Variants in OPCML observed in about 807,000 individuals in gnomAD.
The protein encoded by OPCML is opioid binding protein/cell adhesion molecule like.
In OPCML, 13 loss-of-function variants were observed where a neutral mutation model predicts 37.8. The ratio of observed to expected loss-of-function variants is 0.34; its 90% CI spans 0.22 to 0.55. The LOEUF (loss-of-function observed/expected upper bound fraction) is 0.55, where lower values mean the gene tolerates loss of function less well. Among genes scored for constraint, OPCML ranks in the 20% least tolerant of loss-of-function variants. The pLI is 0.91. For synonymous variants in OPCML, 176 were observed against 168.8 expected (o/e 1.04, Z -0.33); for missense variants, 341 against 435.6 (o/e 0.78, Z 1.93).
rs542010657 is a variant in OPCML at position 133,077,191 on chromosome 11, A to G, written c.62-134181T>C. Among the ~76,000 whole-genome samples, 10 of 151,924 alleles carry G rather than the reference A, an allele frequency of 6.6e-5. No individual in the cohort carries two copies. In the East Asian group the frequency reaches 9.8e-4, roughly 15 times the overall value. On this transcript the variant is annotated intron_variant, in intron 1 of 7. Transcript: ENST00000524381. Reference sequence around the variant, plus strand: ...TCATTTAGAACTCAACCCTGCCTGGATATCAGGAGGGCTGGGTTTGGCCAA... The same window carrying G: ...TCATTTAGAACTCAACCCTGCCTGGGTATCAGGAGGGCTGGGTTTGGCCAA...
chr11:132,420,809 C>A (rs1365811102), intron 7 of OPCML, among the ~76,000 whole-genome samples: 1 of 152,144 alleles, frequency 6.6e-6, no homozygotes, highest in African/African-American at 2.4e-5. Context: ...GGAGGCTCCT[C>A]CTGCAGCAGC....
chr11:133,376,157 A>T (rs541679954), intron 1 of OPCML, among the ~76,000 whole-genome samples: 2 of 152,168 alleles, frequency 1.3e-5, no homozygotes, highest in South Asian at 4.1e-4. Flanking sequence ...TCAGTAAGAG[A>T]TCATAAAGTT....
intron 1 of OPCML, among the ~76,000 whole-genome samples, chr11:133,283,924 C>G (rs557516829): frequency 6.6e-6 from 1 of 152,248 alleles, no homozygotes; most frequent in South Asian, 2.1e-4. Context: ...GAGGAGCTGG[C>G]CTGACACTCT....
At chr11:132,760,833 C>G (rs1946236065) in intron 2 of OPCML, among the ~76,000 whole-genome samples, 1 of 152,028 alleles carries the variant, frequency 6.6e-6, no homozygotes, top group Non-Finnish European at 1.5e-5. Flanking sequence ...GAATTTGATC[C>G]TGTCATTATG....
In OPCML at chr11:132,679,620, T is replaced by C. The variant is rs559950198; in HGVS notation, c.147-22301A>G. Among the ~76,000 whole-genome samples, 159 of 152,320 alleles carry C rather than the reference T, an allele frequency of 1.0e-3. 1 individual carries two copies. Among genetic ancestry groups the C allele is most frequent in the African/African-American group, 3.7e-3 (153 of 41,560 alleles). The stretch of plus-strand genomic sequence containing the variant: ...TGAGCAGGAAATGGGGAATGACTGT[T>C]AATAGGTATGGGATTAACCTGGAGG... On this transcript the variant is annotated intron_variant, in intron 2 of 7. Coordinates refer to ENST00000524381, the MANE Select transcript of OPCML (RefSeq NM_001012393.5).
intron 4 of OPCML, among the ~76,000 whole-genome samples, chr11:132,466,344 T>C (rs1205148478): frequency 1.7e-4 from 24 of 143,040 alleles, no homozygotes; most frequent in African/African-American, 5.5e-4. Flanking sequence ...AATAGCCAGG[T>C]GTGGTGGCGG....
intron 2 of OPCML, 86 bp downstream of exon 2, chr11:132,942,840 C>T: frequency 6.4e-7 from 1 of 1,552,202 alleles, no homozygotes; most frequent in Non-Finnish European, 8.8e-7. Context: ...TTCCGGTCCC[C>T]CATGGAGCCT....
chr11:133,214,038 A>T (rs1939484419), intron 1 of OPCML, among the ~76,000 whole-genome samples: 1 of 152,186 alleles, frequency 6.6e-6, no homozygotes, highest in African/African-American at 2.4e-5. Flanking sequence ...ATGGCATAAC[A>T]ATATTTGTTT....
intron 1 of OPCML, among the ~76,000 whole-genome samples, chr11:133,074,721 C>T (rs1044805996): frequency 1.3e-5 from 2 of 152,122 alleles, no homozygotes; most frequent in Non-Finnish European, 2.9e-5. Flanking sequence ...TTTTTATCTA[C>T]TCTTGCAAAA....
intron 2 of OPCML, among the ~76,000 whole-genome samples, chr11:132,853,812 A>T (rs1941923011): frequency 1.3e-5 from 2 of 152,152 alleles, no homozygotes; most frequent in Admixed American, 1.3e-4. Context: ...CACAAACAAA[A>T]CTATTTTTCT....
At chr11:132,515,603 G>A (rs1292860188) in intron 4 of OPCML, among the ~76,000 whole-genome samples, 1 of 152,156 alleles carries the variant, frequency 6.6e-6, no homozygotes, top group South Asian at 2.1e-4. Context: ...CCCTATCCAA[G>A]GCTGGAACAT....
intron 1 of OPCML, among the ~76,000 whole-genome samples, chr11:133,063,912 T>A (rs1455853495): frequency 1.3e-5 from 2 of 152,160 alleles, no homozygotes; most frequent in Non-Finnish European, 2.9e-5. Context: ...ATTCCTGAAT[T>A]GAGAACGATT....
At chr11:132,658,155 C>T (rs1941795248) in intron 2 of OPCML, among the ~76,000 whole-genome samples, 1 of 152,214 alleles carries the variant, frequency 6.6e-6, no homozygotes, top group Non-Finnish European at 1.5e-5. Flanking sequence ...TGCCCAGGAA[C>T]TGAGGACGTG....
chr11:132,945,614 C>G (rs1480165504), intron 1 of OPCML, among the ~76,000 whole-genome samples: 2 of 152,184 alleles, frequency 1.3e-5, no homozygotes, highest in African/African-American at 4.8e-5. Context: ...ACATATTTTT[C>G]TTTCTTCAAT....
At chr11:132,939,039 G>C (rs962260318) in intron 2 of OPCML, among the ~76,000 whole-genome samples, 4 of 152,130 alleles carry the variant, frequency 2.6e-5, no homozygotes, top group Non-Finnish European at 5.9e-5. Flanking sequence ...GTCCCTGCTT[G>C]AGTGTCTTTT....
intron 1 of OPCML, among the ~76,000 whole-genome samples, chr11:133,407,263 A>C (rs1432153564): frequency 6.6e-6 from 1 of 152,194 alleles, no homozygotes; most frequent in Non-Finnish European, 1.5e-5. Flanking sequence ...GTTAGAATTA[A>C]TGCCCAATAT....
chr11:133,058,427 TACAC>T (rs1565423940), intron 1 of OPCML, among the ~76,000 whole-genome samples: 2 of 152,298 alleles, frequency 1.3e-5, no homozygotes. Flanking sequence ...TGCATCCTGA[TACAC>T]ACAGAGACAT....
intron 2 of OPCML, among the ~76,000 whole-genome samples, chr11:132,720,059 C>T (rs560495329): frequency 7.9e-5 from 12 of 152,306 alleles, no homozygotes; most frequent in South Asian, 6.2e-4. Context: ...CTAAGTGTGC[C>T]GGTAAAATGC....
At chr11:132,739,044 A>G (rs1169805188) in intron 2 of OPCML, among the ~76,000 whole-genome samples, 2 of 152,182 alleles carry the variant, frequency 1.3e-5, no homozygotes, top group African/African-American at 4.8e-5. Context: ...GACCCTTAAT[A>G]ACCCGAGATA....
Sources: gnomAD v4.1 joint callset for allele counts (sites outside exome capture counted in the v4.1 genomes callset) on GRCh38, gnomAD v4.1.1 for gene constraint, MANE v1.5 for transcripts, NCBI Gene and HGNC (gene_info 2026-07-23, HGNC 2026-07-21) for gene names.